The following MYO19 variants were observed in gnomAD, a reference collection of about 807,000 sequenced individuals.
The protein encoded by MYO19 is unconventional myosin-XIX.
In MYO19, 132 loss-of-function variants were observed where a neutral mutation model predicts 129.2. That is an observed-to-expected ratio of 1.02 (90% CI 0.89 to 1.18). The LOEUF is 1.18. MYO19 is among the 50% of genes most tolerant of loss of function. The probability of loss-of-function intolerance (pLI) is 0.00; values close to 1 mark genes in which losing one functional copy is unlikely to be tolerated. For missense variants in MYO19, 1,210 were observed against 1,216.7 expected (o/e 0.99, Z 0.08); for synonymous variants, 531 against 477.2 (o/e 1.11, Z -1.47).
At chr17:36,500,435 T>TA (rs2071433054) in intron 23 of MYO19, 1 of 189,736 alleles carries the variant, frequency 5.3e-6, no homozygotes, top group Non-Finnish European at 1.1e-5. Context: ...ATACATCTTT[T>TA]CATCTGATGA....
At chr17:36,540,760 C>T (rs2074193072) in intron 2 of MYO19, among the ~76,000 whole-genome samples, 1 of 152,170 alleles carries the variant, frequency 6.6e-6, no homozygotes, top group African/African-American at 2.4e-5. Flanking sequence ...AGGTTTAGGT[C>T]ACTATGGTAA....
intron 4 of MYO19, 75 bp from the exon 5 acceptor site, chr17:36,527,774 A>G (rs2073572343): frequency 1.4e-6 from 2 of 1,463,434 alleles, no homozygotes; most frequent in Non-Finnish European, 1.8e-6. Flanking sequence ...CATCTACTTA[A>G]GTAACAGCCC....
intron 23 of MYO19, chr17:36,499,859 GT>G (rs1173634479): frequency 8.6e-6 from 1 of 115,620 alleles, no homozygotes; most frequent in East Asian, 2.5e-4. Context: ...ATTATGTTTT[GT>G]TGTTTTTTTT....
upstream of MYO19, chr17:36,538,610 T>A: frequency 6.3e-7 from 1 of 1,591,556 alleles, no homozygotes; most frequent in Non-Finnish European, 8.6e-7. Context: ...CTGTACAATT[T>A]TGGTGATCAG....
In MYO19 at chr17:36,513,473, G is replaced by A; in HGVS notation, c.850C>T (p.Leu284Phe). 6.2e-7 allele frequency: 1 copy of A among 1,614,006 alleles called. No homozygotes were observed. The change falls in exon 11 of 26, where the codon CTC (leucine) becomes TTC (phenylalanine). Residue 284 changes from leucine to phenylalanine, a missense_variant. Leu to Phe is a conservative substitution (Grantham distance 22, BLOSUM62 0). Coordinates refer to ENST00000614623, the MANE Select transcript of MYO19 (RefSeq NM_001163735.2). Reference protein sequence around the residue: ...DCFEVTREAMLHLGIDTPTQN... With the variant: ...DCFEVTREAMFHLGIDTPTQN... The stretch of plus-strand genomic sequence containing the variant: ...GTAGGGGTGTCAATGCCCAAATGGA[G>A]CATGGCCTCTCTGGTCACCTCAAAA...
chr17:36,501,173 G>A lies in MYO19; in HGVS notation c.2143C>T (p.Leu715=). ...GCTGCTGCCTGAGTTAGGACCGGCA[G>A]AGTGTGGAGAATGTCCTGGATGAGA... The part of the protein sequence containing the change: ...EPLIQDILHT[L]PVLTQAAAIT... Residue 715 remains leucine (L), a synonymous_variant, in exon 22 of 26, where the codon CTG becomes TTG. Coordinates refer to ENST00000614623, the MANE Select transcript of MYO19 (RefSeq NM_001163735.2). The A allele has an allele frequency of 1.2e-6, 2 of 1,614,062 alleles. No individual in the cohort carries two copies. Among genetic ancestry groups the A allele is most frequent in the Non-Finnish European group, 1.7e-6 (2 of 1,179,894 alleles).
chr17:36,496,037 A>G lies in MYO19; in HGVS notation c.*214T>C, dbSNP rs1599167947. On this transcript the variant is annotated 3_prime_UTR_variant, in exon 26 of 26. Transcript: ENST00000614623. ...GTTTCTTAACCCTGATTTGGTAACTACCAGCCCTGACACCATCAGTGCTTG... is the reference window on the plus strand; with the variant it reads ...GTTTCTTAACCCTGATTTGGTAACTGCCAGCCCTGACACCATCAGTGCTTG... The G allele has an allele frequency of 6.4e-6, 5 of 785,418 alleles. No homozygotes were observed. Among genetic ancestry groups the G allele is most frequent in the Admixed American group, 3.1e-5 (1 of 31,932 alleles). 48.7% of individuals were successfully genotyped at this position (785,418 alleles called of 1,614,324 possible). A position where few individuals can be genotyped will look rare whatever the true frequency, so the allele number is the denominator to read the frequency against.
chr17:36,498,277 C>T lies in MYO19; in HGVS notation c.2746G>A (p.Ala916Thr), dbSNP rs139565052. The T allele has an allele frequency of 1.9e-3, 2,993 of 1,611,756 alleles. 2 individuals are homozygous for T. Among genetic ancestry groups the T allele is most frequent in the Non-Finnish European group, 2.4e-3 (2,849 of 1,178,702 alleles). The stretch of plus-strand genomic sequence containing the variant: ...CACACACAACGTACCTGAGGCAGCG[C>T]TCGGATGGACGTGACACCAGCCTGG... Reference protein sequence around the residue: ...QDQAGVTSIRALPQGSIKFHC... With the variant: ...QDQAGVTSIRTLPQGSIKFHC... The change falls in exon 25 of 26, where the codon GCG (alanine) becomes ACG (threonine). Residue 916 changes from alanine to threonine, a missense_variant. By Grantham distance (58) the Ala-to-Thr change is moderately conservative. Coordinates refer to ENST00000614623, the MANE Select transcript of MYO19 (RefSeq NM_001163735.2).
intron 13 of MYO19, 108 bp downstream of exon 13, chr17:36,510,638 C>G: frequency 7.9e-7 from 1 of 1,267,842 alleles, no homozygotes; most frequent in South Asian, 1.5e-5. Flanking sequence ...TCTGTCTTAT[C>G]TCCCACCCTG....
chr17:36,538,624 G>C (rs763872595), upstream of MYO19: 4 of 1,557,668 alleles, frequency 2.6e-6, no homozygotes, highest in African/African-American at 1.4e-5. Flanking sequence ...TGATCAGCAG[G>C]AGTAGGATAT....
rs960658424 is a variant in MYO19, at chr17:36,533,976, T to C, written c.-167A>G. On this transcript the variant is annotated 5_prime_UTR_variant, in exon 2 of 26. In the 5' UTR this introduces an upstream ATG that the reference lacks. Transcript: ENST00000614623. ...ACCTGTGAAAGCGCTCTGCAAATGT[T>C]ATTACGATGCAGCATCAGCTCCTAG... 46 of 152,238 alleles carry C rather than the reference T, an allele frequency of 3.0e-4. No homozygotes were observed. Among genetic ancestry groups the C allele is most frequent in the African/African-American group, 1.1e-3 (46 of 41,452 alleles). 9.4% of individuals were successfully genotyped at this position (152,238 alleles called of 1,614,324 possible).
chr17:36,543,852 C>T (rs2074216566), upstream of MYO19, among the ~76,000 whole-genome samples: 1 of 152,098 alleles, frequency 6.6e-6, no homozygotes, highest in African/African-American at 2.4e-5. Context: ...TCTCAAACTC[C>T]TGACCCTCAG....
At chr17:36,542,477 A>T (rs976149269) in intron 1 of MYO19, among the ~76,000 whole-genome samples, 2 of 152,064 alleles carry the variant, frequency 1.3e-5, no homozygotes, top group Non-Finnish European at 2.9e-5. Flanking sequence ...AGGCGGGCGG[A>T]TCAAGAGGTC....
At chr17:36,530,040 C>T (rs899099896) in intron 3 of MYO19, among the ~76,000 whole-genome samples, 2 of 152,144 alleles carry the variant, frequency 1.3e-5, no homozygotes, top group South Asian at 2.1e-4. Context: ...CAGAGCAAGA[C>T]CTTGTCTCTA....
At chr17:36,531,690 A>T (rs1277507992) in intron 3 of MYO19, among the ~76,000 whole-genome samples, 2 of 152,146 alleles carry the variant, frequency 1.3e-5, no homozygotes, top group East Asian at 3.9e-4. Context: ...TCCAGGAGCC[A>T]TATGGCTGGA....
At chr17:36,533,794 C>A (rs1365726969) in intron 2 of MYO19, 159 bp downstream of exon 2, 2 of 152,046 alleles carry the variant, frequency 1.3e-5, no homozygotes, top group Non-Finnish European at 2.9e-5. Context: ...AGCAATAGGT[C>A]CAGAGGGGCA....
Position 36,529,763 on chromosome 17 carries a change from A to G in MYO19, c.13-1561T>C, listed in dbSNP as rs1211874327. ...TCACAAACACAGACACAATTTATGAAGAGTTCTGATCCAACCAGAGAGGCA... is the reference window on the plus strand; with the variant it reads ...TCACAAACACAGACACAATTTATGAGGAGTTCTGATCCAACCAGAGAGGCA... On this transcript the variant is annotated intron_variant, in intron 3 of 25. Coordinates refer to ENST00000614623, the MANE Select transcript of MYO19 (RefSeq NM_001163735.2). Among the ~76,000 whole-genome samples the G allele has an allele frequency of 2.0e-5, 3 of 152,320 alleles. No individual in the cohort carries two copies. In the East Asian group the frequency reaches 5.8e-4, roughly 29 times the overall value.
intron 6 of MYO19, among the ~76,000 whole-genome samples, chr17:36,520,259 A>AACT (rs2073054336): frequency 6.6e-6 from 1 of 152,186 alleles, no homozygotes; most frequent in Non-Finnish European, 1.5e-5. Flanking sequence ...TACAGGCGTG[A>AACT]ACTACTGCAC....
At chr17:36,513,746 G>C in intron 9 of MYO19, 21 bp from the exon 10 acceptor site, 1 of 1,607,866 alleles carries the variant, frequency 6.2e-7, no homozygotes, top group Non-Finnish European at 8.5e-7. Flanking sequence ...GGGTAGGTGG[G>C]AGGCTGGGTA....
Sources: allele counts gnomAD v4.1 joint callset (sites outside exome capture counted in the v4.1 genomes callset), GRCh38; gene constraint gnomAD v4.1.1; transcripts MANE v1.5; gene names NCBI Gene and HGNC (gene_info 2026-07-23, HGNC 2026-07-21).